SCAI: variants seen among roughly 807,000 people sequenced by gnomAD.
SCAI encodes suppressor of cancer cell invasion.
Under a neutral mutation model 92.2 loss-of-function variants are expected in SCAI, and 24 were observed. That is an observed-to-expected ratio of 0.26 (90% CI 0.19 to 0.37). The LOEUF is 0.37. SCAI is among the 10% of genes least tolerant of loss of function. The pLI is 1.00. For missense variants in SCAI, 450 were observed against 736.2 expected, an observed-to-expected ratio of 0.61 and a Z score of 4.50; for synonymous variants, 261 against 258.6, an observed-to-expected ratio of 1.01 and a Z score of -0.09.
At chr9:124,958,611 A>G (rs1831368234) in intron 17 of SCAI, among the ~76,000 whole-genome samples, 1 of 152,206 alleles carries the variant, frequency 6.6e-6, no homozygotes, top group Non-Finnish European at 1.5e-5. Context: ...AATTCCTAGA[A>G]GAAAATAGGA....
At chr9:124,969,678 T>C (rs958572384) in intron 17 of SCAI, among the ~76,000 whole-genome samples, 1 of 152,254 alleles carries the variant, frequency 6.6e-6, no homozygotes, top group African/African-American at 2.4e-5. Flanking sequence ...GCAACTCTTA[T>C]ATCCTGCTGG....
At chr9:125,136,798 T>C (rs1294049147) in intron 2 of SCAI, among the ~76,000 whole-genome samples, 1 of 142,454 alleles carries the variant, frequency 7.0e-6, no homozygotes, top group East Asian at 2.1e-4. Flanking sequence ...AGACGAAGTC[T>C]TGCTCTGTCA....
chr9:125,030,577 C>T (rs1458789068), intron 3 of SCAI, among the ~76,000 whole-genome samples: 6 of 152,166 alleles, frequency 3.9e-5, no homozygotes, highest in Admixed American at 1.3e-4. Flanking sequence ...AATAGGAGTA[C>T]GTTATTGCCA....
rs982099022 is a variant in SCAI at position 125,066,645 on chromosome 9, C to T, written c.99-10638G>A. 3.3e-5 allele frequency among the ~76,000 whole-genome samples: 5 copies of T among 151,804 alleles called. No individual in the cohort carries two copies. The South Asian group carries it at 6.2e-4, about 19-fold the overall frequency. ...TAATTTTTTGTATTTTTAGTAGATACGGGGTTTCACTGTTAGCCAGGATGG... is the reference window on the plus strand; with the variant it reads ...TAATTTTTTGTATTTTTAGTAGATATGGGGTTTCACTGTTAGCCAGGATGG... On this transcript the variant is annotated intron_variant, in intron 2 of 17. Coordinates refer to ENST00000336505, the MANE Select transcript of SCAI (RefSeq NM_001144877.3).
Position 125,055,909 on chromosome 9 carries a change from A to G in SCAI, c.197T>C (p.Leu66Pro). The G allele has an allele frequency of 6.2e-7, 1 of 1,613,242 alleles. No homozygotes were observed. Among genetic ancestry groups the G allele is most frequent in the East Asian group, 2.2e-5 (1 of 44,786 alleles). Residue 66 changes from leucine (L) to proline (P), a missense_variant, in exon 3 of 18, where the codon CTG (leucine) becomes CCG (proline). Around this residue, in one of 3 missense-constraint regions of SCAI, gnomAD observed 20 missense variants for 68.2 expected, o/e 0.29. Transcript: ENST00000336505. ...ATTGAACAGTTGCTTAGATTTATCCAGAAGATAACAAAAATCTGTAACTGT... is the reference window on the plus strand; with the variant it reads ...ATTGAACAGTTGCTTAGATTTATCCGGAAGATAACAAAAATCTGTAACTGT... The part of the protein sequence containing the change: ...RKTVTDFCYL[L>P]DKSKQLFNGL...
intron 2 of SCAI, among the ~76,000 whole-genome samples, chr9:125,092,339 G>C (rs1834448526): frequency 6.6e-6 from 1 of 151,780 alleles, no homozygotes; most frequent in Non-Finnish European, 1.5e-5. Flanking sequence ...CATGGTGCCA[G>C]TTACTTGGGA....
At chr9:125,067,922 T>C (rs929715561) in intron 2 of SCAI, among the ~76,000 whole-genome samples, 2 of 152,172 alleles carry the variant, frequency 1.3e-5, no homozygotes, top group African/African-American at 2.4e-5. Context: ...AATTACTTTT[T>C]ATAGGAAGTT....
chr9:125,116,421 G>A (rs886862494), intron 2 of SCAI, among the ~76,000 whole-genome samples: 3 of 151,844 alleles, frequency 2.0e-5, no homozygotes, highest in African/African-American at 7.3e-5. Context: ...TAAACGAGGG[G>A]AAAAGAATAT....
At chr9:125,090,305 AGAAGAAGAG>A (rs1298643737) in intron 2 of SCAI, among the ~76,000 whole-genome samples, 1 of 152,138 alleles carries the variant, frequency 6.6e-6, no homozygotes, top group African/African-American at 2.4e-5. Flanking sequence ...GAGGTAGATA[AGAAGAAGAG>A]GAAGGAGAGG....
At chr9:124,982,297 T>C (rs1675655463) in intron 14 of SCAI, among the ~76,000 whole-genome samples, 1 of 152,172 alleles carries the variant, frequency 6.6e-6, no homozygotes, top group Admixed American at 6.6e-5. Context: ...AAGTATTTTG[T>C]GGCCTAACTG....
intron 5 of SCAI, 135 bp from the exon 6 acceptor site, chr9:125,027,045 C>T (rs572186722): frequency 8.8e-6 from 4 of 456,466 alleles, no homozygotes; most frequent in East Asian, 3.3e-5. Flanking sequence ...AAATTTGAAT[C>T]GGCAAGACAA....
intron 3 of SCAI, among the ~76,000 whole-genome samples, chr9:125,045,267 T>C (rs1021080348): frequency 1.3e-5 from 2 of 152,228 alleles, no homozygotes; most frequent in Admixed American, 6.5e-5. Context: ...GGTTTCGCCA[T>C]GTTGGCCAGG....
At chr9:125,075,246 C>A (rs924080324) in intron 2 of SCAI, among the ~76,000 whole-genome samples, 1 of 152,102 alleles carries the variant, frequency 6.6e-6, no homozygotes, top group African/African-American at 2.4e-5. Context: ...GCAGAAAATA[C>A]AATGTACTTT....
intron 3 of SCAI, among the ~76,000 whole-genome samples, chr9:125,054,024 G>A (rs1484845862): frequency 1.3e-5 from 2 of 152,092 alleles, no homozygotes; most frequent in African/African-American, 4.8e-5. Context: ...ACCCAGGCTG[G>A]AGTGCAGTGG....
rs189096987 is a variant in SCAI, at chr9:125,105,639, C to T, written c.98+36994G>A. Among the ~76,000 whole-genome samples, 34 of 152,264 alleles carry T rather than the reference C, an allele frequency of 2.2e-4. No homozygotes were observed. The East Asian group carries it at 6.2e-3, about 28-fold the overall frequency. ...TATATTTTAGGAATAAAGAGAACCA[C>T]AGATAAATACTTTGGCACAATTGCT... On this transcript the variant is annotated intron_variant, in intron 2 of 17. Transcript: ENST00000336505.
chr9:125,014,190 C>T (rs201925732), intron 9 of SCAI, among the ~76,000 whole-genome samples: 1 of 151,338 alleles, frequency 6.6e-6, no homozygotes, highest in Admixed American at 6.6e-5. Context: ...GGCAATTATG[C>T]AGGAGAAGGA....
In SCAI at chr9:124,949,236, C is replaced by A. The variant is rs1831198406; in HGVS notation, c.*3571G>T. 6.6e-6 allele frequency: 1 copy of A among 152,378 alleles called. No individual in the cohort carries two copies. Among genetic ancestry groups the A allele is most frequent in the Non-Finnish European group, 1.5e-5 (1 of 68,204 alleles). 9.4% of individuals were successfully genotyped at this position (152,378 alleles called of 1,614,324 possible). A position where few individuals can be genotyped will look rare whatever the true frequency, so the allele number is the denominator to read the frequency against. The stretch of plus-strand genomic sequence containing the variant: ...GGTGTGGTGGCACATGCCTGTAATC[C>A]CAGCTACTGGGGAGGCTGAGGCAGG... On this transcript the variant is annotated 3_prime_UTR_variant, in exon 18 of 18. Transcript: ENST00000336505. This position sits in a 1 kb window ranked among gnomAD's most constrained non-coding sequence, Gnocchi z 4.0.
chr9:125,018,426 A>G (rs1256838995), intron 9 of SCAI, among the ~76,000 whole-genome samples: 1 of 152,178 alleles, frequency 6.6e-6, no homozygotes, highest in Non-Finnish European at 1.5e-5. Flanking sequence ...AATGTTGTAA[A>G]AAATAAAATA....
intron 3 of SCAI, among the ~76,000 whole-genome samples, chr9:125,031,330 T>C (rs1476886738): frequency 1.3e-5 from 2 of 152,016 alleles, no homozygotes; most frequent in African/African-American, 4.8e-5. Flanking sequence ...GGCGTGATCT[T>C]GGCTCACTGC....
Sources: allele counts gnomAD v4.1 joint callset (sites outside exome capture counted in the v4.1 genomes callset), GRCh38; gene constraint gnomAD v4.1.1; regional missense constraint gnomAD v4.1.1; non-coding constraint Gnocchi (gnomAD v3.1); transcripts MANE v1.5; gene names NCBI Gene and HGNC (gene_info 2026-07-23, HGNC 2026-07-21).